Variants in FRY observed in about 807,000 individuals in gnomAD.
FRY encodes FRY microtubule binding protein.
A neutral mutation model predicts 348.4 loss-of-function variants in FRY; 128 were observed. That is an observed-to-expected ratio of 0.37 (90% CI 0.32 to 0.43). FRY has a LOEUF of 0.43. Ranked by LOEUF, FRY falls within the 20% of genes least tolerant of loss-of-function variation. The pLI is 1.00. For synonymous variants in FRY, 1,370 were observed against 1,374.7 expected (o/e 1.00, Z 0.08); for missense variants, 2,736 against 3,695.2 (o/e 0.74, Z 6.73).
intron 3 of FRY, among the ~76,000 whole-genome samples, chr13:32,107,010 T>C (rs948054133): frequency 6.6e-6 from 1 of 152,254 alleles, no homozygotes; most frequent in African/African-American, 2.4e-5. Flanking sequence ...CTCATAATTT[T>C]ATTGGTTTAG....
At chr13:32,273,391 T>A (rs1335808643) in intron 55 of FRY, among the ~76,000 whole-genome samples, 1 of 151,580 alleles carries the variant, frequency 6.6e-6, no homozygotes, top group African/African-American at 2.4e-5. Context: ...CCCGGCTAAT[T>A]TTTTGTATTT....
At chr13:32,075,263 T>C (rs1486689656) in intron 1 of FRY, among the ~76,000 whole-genome samples, 1 of 152,202 alleles carries the variant, frequency 6.6e-6, no homozygotes, top group Non-Finnish European at 1.5e-5. Flanking sequence ...CCACCTTTTT[T>C]ACCTTTCTGT....
At chr13:32,103,826 G>A (rs1877343497) in intron 3 of FRY, among the ~76,000 whole-genome samples, 1 of 152,082 alleles carries the variant, frequency 6.6e-6, no homozygotes, top group African/African-American at 2.4e-5. Flanking sequence ...AATTAGCCAG[G>A]CATAGTGGCA....
chr13:32,242,629 G>T (rs1886576969), intron 46 of FRY, among the ~76,000 whole-genome samples: 1 of 152,008 alleles, frequency 6.6e-6, no homozygotes, highest in South Asian at 2.1e-4. Flanking sequence ...CCACTTCCTG[G>T]GTTCACACAG....
intron 3 of FRY, among the ~76,000 whole-genome samples, chr13:32,103,045 A>G (rs1490960778): frequency 6.6e-6 from 1 of 152,234 alleles, no homozygotes; most frequent in African/African-American, 2.4e-5. Context: ...CAGAAACACC[A>G]TGACTGTACA....
chr13:32,244,239 T>A, intron 47 of FRY, 57 bp downstream of exon 47: 1 of 1,512,164 alleles, frequency 6.6e-7, no homozygotes, highest in Non-Finnish European at 9.2e-7. Flanking sequence ...ATGGAGGCTT[T>A]TCCTGTAGCT....
rs895670101 is a variant in FRY, at chr13:32,131,684, A to G, written c.729A>G (p.Val243=). The G allele has an allele frequency of 2.5e-6, 4 of 1,613,198 alleles. No homozygotes were observed. Among genetic ancestry groups the G allele is most frequent in the Non-Finnish European group, 3.4e-6 (4 of 1,179,408 alleles). ...GTTATCTTCTTAGATTCCCTGCTGT[A>G]AAGAAGAAATTTATGGCGGAGCTAA... is the stretch of plus-strand genomic sequence containing the variant. The part of the protein sequence containing the change: ...GVLAQAKFPA[V]KKKFMAELKE... The change falls in exon 8 of 61, where the codon GTA becomes GTG. Residue 243 remains valine (V), a synonymous_variant. Transcript: ENST00000542859.
intron 3 of FRY, among the ~76,000 whole-genome samples, chr13:32,115,426 T>G (rs1392222175): frequency 6.6e-6 from 1 of 152,180 alleles, no homozygotes; most frequent in Non-Finnish European, 1.5e-5. Flanking sequence ...TGCCTCCACA[T>G]CACCCCACTG....
At chr13:32,038,487 A>G (rs1872630220) in intron 1 of FRY, 1 of 152,228 alleles carries the variant, frequency 6.6e-6, no homozygotes. Context: ...CAGAAGATTT[A>G]GCAAGTAACC....
At position 32,234,669 on chromosome 13, in the gene FRY, C is replaced by T. The variant is rs1344977163; in HGVS notation, c.5623C>T (p.Arg1875Trp). The change falls in exon 42 of 61, where the codon CGG becomes TGG. Residue 1875 changes from arginine (R) to tryptophan (W), a missense_variant. Arg to Trp is a moderately radical substitution (Grantham distance 101). This residue lies in a region of FRY where 794 missense variants were observed against 977.0 expected (regional missense o/e 0.81). Transcript: ENST00000542859. The stretch of plus-strand genomic sequence containing the variant: ...TGCTGGTCGGTCCTTCCAGATATTC[C>T]GGGCCCTCAAGCAACCTCTGTCAGC... ...HYAGRSFQIF[R>W]ALKQPLSAHA... 4.3e-6 allele frequency: 7 copies of T among 1,614,016 alleles called. No individual in the cohort carries two copies. Among genetic ancestry groups the T allele is most frequent in the South Asian group, 2.2e-5 (2 of 91,076 alleles).
At chr13:32,141,120 T>C (rs1880041900) in intron 11 of FRY, among the ~76,000 whole-genome samples, 1 of 152,174 alleles carries the variant, frequency 6.6e-6, no homozygotes, top group Non-Finnish European at 1.5e-5. Flanking sequence ...ATTCCAATAA[T>C]GCACATAAAC....
chr13:32,110,969 A>T (rs537532129), intron 3 of FRY, among the ~76,000 whole-genome samples: 1 of 152,340 alleles, frequency 6.6e-6, no homozygotes, highest in African/African-American at 2.4e-5. Flanking sequence ...AGCATAGAAG[A>T]TAAGAGAAAG....
intron 24 of FRY, among the ~76,000 whole-genome samples, chr13:32,184,040 G>T (rs973078504): frequency 6.6e-6 from 1 of 151,860 alleles, no homozygotes; most frequent in Non-Finnish European, 1.5e-5. Context: ...GTAGCCAGGT[G>T]TGGTGGTGCA....
At chr13:32,101,320 C>T (rs1322158462) in intron 2 of FRY, among the ~76,000 whole-genome samples, 1 of 152,164 alleles carries the variant, frequency 6.6e-6, no homozygotes, top group Non-Finnish European at 1.5e-5. Flanking sequence ...AAGGCTAAAT[C>T]GTCTTCCATT....
chr13:32,229,801 A>G (rs1184977312), intron 40 of FRY, among the ~76,000 whole-genome samples: 1 of 152,250 alleles, frequency 6.6e-6, no homozygotes, highest in Non-Finnish European at 1.5e-5. Context: ...TGCAAATGCT[A>G]AAATGTGAAA....
intron 36 of FRY, among the ~76,000 whole-genome samples, chr13:32,222,887 G>A (rs1192062351): frequency 6.6e-6 from 1 of 152,100 alleles, no homozygotes; most frequent in Admixed American, 6.5e-5. Flanking sequence ...TATTATTTGG[G>A]TATGGGATAT....
At chr13:32,120,951 T>C (rs1256312207) in intron 4 of FRY, among the ~76,000 whole-genome samples, 1 of 152,178 alleles carries the variant, frequency 6.6e-6, no homozygotes, top group East Asian at 1.9e-4. Flanking sequence ...TGAGCCACCA[T>C]GCCCAGCCCA....
At chr13:32,140,706 AT>A (rs929673710) in intron 11 of FRY, among the ~76,000 whole-genome samples, 1 of 152,226 alleles carries the variant, frequency 6.6e-6, no homozygotes. Flanking sequence ...AGGGTATTTG[AT>A]TTCCAGAAAA....
chr13:32,150,353 G>T (rs1158986764), intron 14 of FRY, among the ~76,000 whole-genome samples: 1 of 152,200 alleles, frequency 6.6e-6, no homozygotes, highest in East Asian at 1.9e-4. Flanking sequence ...AGCAGTGGAG[G>T]CTGTGCACAT....
Sources: allele counts gnomAD v4.1 joint callset (sites outside exome capture counted in the v4.1 genomes callset), GRCh38; gene constraint gnomAD v4.1.1; regional missense constraint gnomAD v4.1.1; transcripts MANE v1.5; gene names NCBI Gene and HGNC (gene_info 2026-07-23, HGNC 2026-07-21).